Variants in CDK14 observed in about 807,000 individuals in gnomAD.
The protein encoded by CDK14 is cyclin-dependent kinase 14.
CDK14 carries 34 observed loss-of-function variants against 60.7 expected under a neutral mutation model. The ratio of observed to expected loss-of-function variants is 0.56; its 90% confidence interval spans 0.43 to 0.75. CDK14 has a LOEUF of 0.75. Among genes scored for constraint, CDK14 ranks in the 30% least tolerant of loss-of-function variants. The pLI, the probability that CDK14 is intolerant of heterozygous loss-of-function variation, is 0.00. For missense variants in CDK14, 482 were observed against 564.1 expected (o/e 0.85, Z 1.47); for synonymous variants, 197 against 203.7 (o/e 0.97, Z 0.28).
intron 4 of CDK14, among the ~76,000 whole-genome samples, chr7:90,784,539 A>G (rs1805486426): frequency 6.6e-6 from 1 of 152,206 alleles, no homozygotes; most frequent in Admixed American, 6.5e-5. Context: ...AATATGTACA[A>G]CTATTATGTA....
At chr7:90,965,729 C>A (rs1452209306) in intron 9 of CDK14, among the ~76,000 whole-genome samples, 2 of 152,130 alleles carry the variant, frequency 1.3e-5, no homozygotes, top group Non-Finnish European at 2.9e-5. Flanking sequence ...TTTGAAAACG[C>A]CTTTATTCTA....
At chr7:90,869,531 G>A (rs1791297952) in intron 6 of CDK14, among the ~76,000 whole-genome samples, 1 of 152,206 alleles carries the variant, frequency 6.6e-6, no homozygotes, top group Non-Finnish European at 1.5e-5. Context: ...CCTCCAAAGG[G>A]TGTTGAGCAG....
chr7:90,683,480 T>C (rs1165663976), intron 2 of CDK14, among the ~76,000 whole-genome samples: 9 of 152,194 alleles, frequency 5.9e-5, no homozygotes. Flanking sequence ...TGGACCCTGA[T>C]TCCTCTGCAT....
chr7:90,725,308 T>C (rs1286961698), intron 2 of CDK14, among the ~76,000 whole-genome samples: 1 of 152,198 alleles, frequency 6.6e-6, no homozygotes, highest in Non-Finnish European at 1.5e-5. Context: ...TGTGTTTTCC[T>C]GTATACTTTT....
At chr7:90,741,813 A>C (rs184009871) in intron 3 of CDK14, among the ~76,000 whole-genome samples, 1 of 152,154 alleles carries the variant, frequency 6.6e-6, no homozygotes, top group Admixed American at 6.5e-5. Context: ...ACAGGTTTCT[A>C]TAGAAATAAT....
chr7:90,900,090 A>G (rs185425333), intron 7 of CDK14, among the ~76,000 whole-genome samples: 13 of 152,250 alleles, frequency 8.5e-5, no homozygotes, highest in African/African-American at 2.6e-4. Context: ...GTTATAAGAA[A>G]CCCTATTAGT....
intron 10 of CDK14, among the ~76,000 whole-genome samples, chr7:91,005,329 C>T (rs1795950387): frequency 6.6e-6 from 1 of 152,236 alleles, no homozygotes; most frequent in South Asian, 2.1e-4. Flanking sequence ...CAAGATCCTT[C>T]CTCGTTCAGG....
intron 6 of CDK14, among the ~76,000 whole-genome samples, chr7:90,897,806 A>G (rs1362678613): frequency 6.6e-6 from 1 of 152,088 alleles, no homozygotes; most frequent in African/African-American, 2.4e-5. Context: ...GTGCTATCCT[A>G]TACATAAAAG....
chr7:91,073,434 T>TTG (rs1798211529), intron 11 of CDK14, among the ~76,000 whole-genome samples: 1 of 152,100 alleles, frequency 6.6e-6, no homozygotes. Flanking sequence ...ATAAAATCAT[T>TTG]TTCAGACAAG....
In CDK14 at chr7:90,751,688, A is replaced by C. The variant is rs185955015; in HGVS notation, c.464+3913A>C. 1.2e-4 allele frequency among the ~76,000 whole-genome samples: 19 copies of C among 152,282 alleles called. 1 individual carries two copies. In the East Asian group the frequency reaches 3.1e-3, roughly 25 times the overall value. On this transcript the variant is annotated intron_variant, in intron 4 of 14. Coordinates refer to ENST00000380050, the MANE Select transcript of CDK14 (RefSeq NM_001287135.2). ...TATATCAATATTAACTTTGAATATA[A>C]ACTGACTAAACCTCACACTTTTAAA...
chr7:90,952,792 A>G (rs536251603), intron 8 of CDK14, among the ~76,000 whole-genome samples: 4 of 152,310 alleles, frequency 2.6e-5, no homozygotes, highest in African/African-American at 9.6e-5. Context: ...AAGAACAGAG[A>G]AAGAAAGCTT....
intron 2 of CDK14, among the ~76,000 whole-genome samples, chr7:90,641,184 G>A (rs1248623848): frequency 6.6e-6 from 1 of 151,976 alleles, no homozygotes; most frequent in East Asian, 1.9e-4. Context: ...CCCTGGGACT[G>A]CAAAATGATT....
chr7:90,630,037 TCAAACAAAA>T (rs869208653), intron 2 of CDK14, among the ~76,000 whole-genome samples: 2 of 138,680 alleles, frequency 1.4e-5, no homozygotes, highest in East Asian at 2.1e-4. Flanking sequence ...AGACACTGTC[TCAAACAAAA>T]CAAAACAAAA....
intron 2 of CDK14, among the ~76,000 whole-genome samples, chr7:90,701,948 C>T (rs1801795545): frequency 6.6e-6 from 1 of 152,124 alleles, no homozygotes; most frequent in Non-Finnish European, 1.5e-5. Flanking sequence ...CACTGGCTGC[C>T]TCTAAGCGAA....
At chr7:90,905,600 A>C (rs988782991) in intron 7 of CDK14, among the ~76,000 whole-genome samples, 1 of 152,120 alleles carries the variant, frequency 6.6e-6, no homozygotes, top group African/African-American at 2.4e-5. Context: ...TCCTGGATCA[A>C]TGGTTCATTC....
chr7:91,136,585 T>C (rs1447975691), intron 14 of CDK14, among the ~76,000 whole-genome samples: 1 of 152,298 alleles, frequency 6.6e-6, no homozygotes, highest in East Asian at 1.9e-4. Flanking sequence ...TATATAAACA[T>C]ACAGACTAAA....
intron 14 of CDK14, among the ~76,000 whole-genome samples, chr7:91,183,426 C>T (rs941070144): frequency 3.9e-5 from 6 of 152,160 alleles, no homozygotes; most frequent in South Asian, 2.1e-4. Flanking sequence ...GTCACTCTAG[C>T]TCTCCTTTCA....
intron 2 of CDK14, among the ~76,000 whole-genome samples, chr7:90,624,661 G>C (rs1799839725): frequency 6.6e-6 from 1 of 152,182 alleles, no homozygotes; most frequent in African/African-American, 2.4e-5. Context: ...GAGGTTTGGT[G>C]ATAACAGGAA....
chr7:90,978,805 C>T (rs934997562), intron 9 of CDK14, among the ~76,000 whole-genome samples: 1 of 152,146 alleles, frequency 6.6e-6, no homozygotes, highest in African/African-American at 2.4e-5. Flanking sequence ...ACTTCTAAGG[C>T]ATATTTTATT....
Sources: gnomAD v4.1 joint callset for allele counts (sites outside exome capture counted in the v4.1 genomes callset) on GRCh38, gnomAD v4.1.1 for gene constraint, MANE v1.5 for transcripts, NCBI Gene and HGNC (gene_info 2026-07-23, HGNC 2026-07-21) for gene names.